The following OPRL1 variants were observed in gnomAD, a reference collection of about 807,000 sequenced individuals.
OPRL1 encodes nociceptin receptor.
OPRL1 carries 5 observed loss-of-function variants against 15.5 expected under a neutral mutation model. That is an observed-to-expected ratio of 0.32 (90% CI 0.17 to 0.68). The LOEUF is 0.68. Ranked by LOEUF, OPRL1 falls within the 30% of genes least tolerant of loss-of-function variation. The pLI, the probability that OPRL1 is intolerant of heterozygous loss-of-function variation, is 0.72. For missense variants in OPRL1, 406 were observed against 515.3 expected (o/e 0.79, Z 2.05); for synonymous variants, 223 against 230.2 (o/e 0.97, Z 0.28).
Position 64,083,865 on chromosome 20 carries a change from C to T in OPRL1, c.-185+3513C>T. On this transcript the variant is annotated intron_variant, in intron 1 of 4. Coordinates refer to ENST00000336866, the MANE Select transcript of OPRL1 (RefSeq NM_182647.4). The surrounding 1 kb of genome is among the most constrained non-coding windows in gnomAD (Gnocchi z 4.9). The stretch of plus-strand genomic sequence containing the variant: ...CGCAGGGCGCGGACTCGCCCGCGGG[C>T]CTCCGCTGCCTTGAGGACGCCGAGG... The T allele has an allele frequency of 3.5e-6, 5 of 1,420,174 alleles. No individual in the cohort carries two copies. Among genetic ancestry groups the T allele is most frequent in the East Asian group, 3.1e-5 (1 of 32,582 alleles). The allele number at this position is 1,420,174 out of a possible 1,614,324, so 88.0% of individuals were successfully genotyped here.
chr20:64,089,143 G>T lies in OPRL1; in HGVS notation c.-184-2823G>T, dbSNP rs1256546167. On this transcript the variant is annotated intron_variant, in intron 1 of 4. Transcript: ENST00000336866. This position sits in a 1 kb window ranked among gnomAD's most constrained non-coding sequence, Gnocchi z 5.5. ...GGTCTGTGCTGGGGGTTTGCCGCAG[G>T]CACAAGGGAGGGAGAAGCTGTCCTG... Among the ~76,000 whole-genome samples the T allele has an allele frequency of 1.3e-5, 2 of 152,150 alleles. No homozygotes were observed. The highest frequency in any genetic ancestry group is 2.9e-5 in the Non-Finnish European group (2 of 68,008).
Position 64,098,779 on chromosome 20 carries a change from A to G in OPRL1, c.1093A>G (p.Thr365Ala). 1 of 1,600,606 alleles carries G rather than the reference A, an allele frequency of 6.2e-7. No individual in the cohort carries two copies. Among genetic ancestry groups the G allele is most frequent in the Non-Finnish European group, 8.5e-7 (1 of 1,178,138 alleles). Residue 365 changes from threonine to alanine, a missense_variant, in exon 5 of 5, where the codon ACG (threonine) becomes GCG (alanine). Thr to Ala is a moderately conservative substitution (Grantham distance 58). Transcript: ENST00000336866. ...GGCCCTGGCCTGCAAGACCTCTGAG[A>G]CGGTACCGCGGCCCGCATGACTAGG... is the stretch of plus-strand genomic sequence containing the variant. ...DVALACKTSE[T>A]VPRPA
Position 64,083,624 on chromosome 20 carries a change from G to T in OPRL1, c.-185+3272G>T. On this transcript the variant is annotated intron_variant, in intron 1 of 4. Coordinates refer to ENST00000336866, the MANE Select transcript of OPRL1 (RefSeq NM_182647.4). The surrounding 1 kb of genome is among the most constrained non-coding windows in gnomAD (Gnocchi z 4.9). Reference sequence around the variant, plus strand: ...GGGTCCGGGATCCGCGCGGGCTTCAGCTGCGGCGGCAGGAACAGCTCCAGC... The same window carrying T: ...GGGTCCGGGATCCGCGCGGGCTTCATCTGCGGCGGCAGGAACAGCTCCAGC... 6.8e-7 allele frequency: 1 copy of T among 1,475,066 alleles called. No individual in the cohort carries two copies. The highest frequency in any genetic ancestry group is 1.8e-4 in the Middle Eastern group (1 of 5,418). The allele number at this position is 1,475,066 out of a possible 1,614,324, so 91.4% of individuals were successfully genotyped here.
chr20:64,084,077 G>A (rs2060010402), intron 1 of OPRL1: 1 of 1,493,450 alleles, frequency 6.7e-7, no homozygotes, highest in Non-Finnish European at 8.8e-7. Context: ...CAGTCCCTGC[G>A]GCGTCAGGGC....
Position 64,092,822 on chromosome 20 carries a change from G to C in OPRL1, c.102G>C (p.Pro34=), listed in dbSNP as rs146923933. 18 of 1,612,726 alleles carry C rather than the reference G, an allele frequency of 1.1e-5. No homozygotes were observed. The highest frequency in any genetic ancestry group is 1.4e-5 in the Non-Finnish European group (17 of 1,179,942). The change falls in exon 3 of 5, where the codon CCG becomes CCC. Residue 34 remains proline, a synonymous_variant. Coordinates refer to ENST00000336866, the MANE Select transcript of OPRL1 (RefSeq NM_182647.4). ...GCCCCAACCACAGTCTGCTGCCCCC[G>C]CATCTGCTGCTCAATGCCAGCCACG... ...LLSPNHSLLP[P]HLLLNASHGA...
At chr20:64,082,028 T>C (rs1601622440) in intron 1 of OPRL1, among the ~76,000 whole-genome samples, 1 of 152,170 alleles carries the variant, frequency 6.6e-6, no homozygotes, top group Admixed American at 6.5e-5. Context: ...GGTGAAATAA[T>C]ATGTGATTCT....
rs138440707 is a variant in OPRL1, at chr20:64,098,731, G to A, written c.1045G>A (p.Val349Met). ...LRRDVQVSDR[V>M]RSIAKDVALA... The stretch of plus-strand genomic sequence containing the variant: ...CCGGGACGTGCAGGTGTCTGACCGC[G>A]TGCGCAGCATTGCCAAGGACGTGGC... Residue 349 changes from valine to methionine, a missense_variant, in exon 5 of 5, where the codon GTG becomes ATG. By Grantham distance (21) the Val-to-Met change is conservative (BLOSUM62 1). Transcript: ENST00000336866. 1.2e-5 allele frequency: 19 copies of A among 1,611,356 alleles called. No homozygotes were observed. The highest frequency in any genetic ancestry group is 4.0e-5 in the African/African-American group (3 of 74,936).
chr20:64,091,503 TG>T (rs1382743230), intron 1 of OPRL1, among the ~76,000 whole-genome samples: 1 of 152,234 alleles, frequency 6.6e-6, no homozygotes, highest in Non-Finnish European at 1.5e-5. Context: ...CAGCAGGTGC[TG>T]GGCCAGTGCC....
At chr20:64,087,846 G>A (rs1243700963) in intron 1 of OPRL1, among the ~76,000 whole-genome samples, 2 of 152,258 alleles carry the variant, frequency 1.3e-5, no homozygotes, top group African/African-American at 4.8e-5. Flanking sequence ...ACCCTTGGCA[G>A]GTTGGGGGAG....
intron 1 of OPRL1, among the ~76,000 whole-genome samples, chr20:64,088,547 A>C (rs1365850500): frequency 7.3e-6 from 1 of 137,836 alleles, no homozygotes; most frequent in Admixed American, 7.7e-5. Context: ...GGTCTGTGCC[A>C]GGTTTTGGGG....
intron 1 of OPRL1, among the ~76,000 whole-genome samples, chr20:64,086,259 A>G (rs2060049271): frequency 6.6e-6 from 1 of 152,064 alleles, no homozygotes; most frequent in African/African-American, 2.4e-5. Flanking sequence ...GGAGTAGGGG[A>G]ATATTCTTCT....
chr20:64,098,942 G>A lies in OPRL1; in HGVS notation c.*143G>A. The A allele has an allele frequency of 8.5e-7, 1 of 1,170,358 alleles. No homozygotes were observed. Among genetic ancestry groups the A allele is most frequent in the Non-Finnish European group, 1.2e-6 (1 of 857,106 alleles). The allele number at this position is 1,170,358 out of a possible 1,614,324, so 72.5% of individuals were successfully genotyped here. On this transcript the variant is annotated 3_prime_UTR_variant, in exon 5 of 5. Coordinates refer to ENST00000336866, the MANE Select transcript of OPRL1 (RefSeq NM_182647.4). The stretch of plus-strand genomic sequence containing the variant: ...AGCCTGGGATGGGCTTTTCCCTGTG[G>A]GCCAGGGATGCTCGGTCCCAGAGGA...
In OPRL1 at chr20:64,096,260, A is replaced by G. The variant is rs192715096; in HGVS notation, c.234-1542A>G. Among the ~76,000 whole-genome samples the G allele has an allele frequency of 2.0e-3, 299 of 152,252 alleles. 1 individual carries two copies. Among genetic ancestry groups the G allele is most frequent in the African/African-American group, 6.7e-3 (280 of 41,530 alleles). On this transcript the variant is annotated intron_variant, in intron 3 of 4. Transcript: ENST00000336866. Reference sequence around the variant, plus strand: ...GCTGGCCAGAGTCCCCAGAGAGAGCAATGCTCAGGAGCTGCCGTGGCCACA... The same window carrying G: ...GCTGGCCAGAGTCCCCAGAGAGAGCGATGCTCAGGAGCTGCCGTGGCCACA...
chr20:64,098,465 G>T lies in OPRL1; in HGVS notation c.779G>T (p.Arg260Leu). The change falls in exon 5 of 5, where the codon CGC (arginine) becomes CTC (leucine). Residue 260 changes from arginine to leucine, a missense_variant. Transcript: ENST00000336866. Reference sequence around the variant, plus strand: ...CGAGAGAAGGACCGGAACCTGCGGCGCATCACTCGGCTGGTGCTGGTGGTA... The same window carrying T: ...CGAGAGAAGGACCGGAACCTGCGGCTCATCACTCGGCTGGTGCTGGTGGTA... ...GSREKDRNLR[R>L]ITRLVLVVVA... 6.2e-7 allele frequency: 1 copy of T among 1,613,334 alleles called. No individual in the cohort carries two copies. Among genetic ancestry groups the T allele is most frequent in the South Asian group, 1.1e-5 (1 of 91,084 alleles).
intron 1 of OPRL1, among the ~76,000 whole-genome samples, chr20:64,082,155 C>T (rs1347882976): frequency 6.6e-6 from 1 of 152,204 alleles, no homozygotes; most frequent in Non-Finnish European, 1.5e-5. Context: ...TCACATGTCA[C>T]AAGCACATCA....
At chr20:64,080,564 C>T (rs1450460610) in intron 1 of OPRL1, among the ~76,000 whole-genome samples, 1 of 152,168 alleles carries the variant, frequency 6.6e-6, no homozygotes, top group Admixed American at 6.5e-5. Context: ...CCCGTGTGTC[C>T]CAAGATGTCC....
chr20:64,095,794 G>T (rs1979048756), intron 3 of OPRL1, among the ~76,000 whole-genome samples: 1 of 151,976 alleles, frequency 6.6e-6, no homozygotes, highest in Admixed American at 6.5e-5. Context: ...GGTAGAGGCG[G>T]GACAGGGTAG....
intron 1 of OPRL1, chr20:64,084,003 C>A (rs1269238143): frequency 6.7e-7 from 1 of 1,496,028 alleles, no homozygotes; most frequent in Admixed American, 2.1e-5. Context: ...GCCGCCGCGC[C>A]CACGTCCTCC....
chr20:64,088,814 T>A (rs2060088459), intron 1 of OPRL1, among the ~76,000 whole-genome samples: 1 of 137,042 alleles, frequency 7.3e-6, no homozygotes, highest in African/African-American at 2.7e-5. Context: ...CTGTGCAGAG[T>A]GGCCAGGATC....
Sources: gnomAD v4.1 joint callset for allele counts (sites outside exome capture counted in the v4.1 genomes callset) on GRCh38, gnomAD v4.1.1 for gene constraint, Gnocchi (gnomAD v3.1) non-coding constraint, MANE v1.5 for transcripts, NCBI Gene and HGNC (gene_info 2026-07-23, HGNC 2026-07-21) for gene names.